Variants in QTMAN observed in about 807,000 individuals in gnomAD.
The protein encoded by QTMAN is tRNA-queuosine alpha-mannosyltransferase.
chr2:144,174,329 G>T, the QTMAN span, among the ~76,000 whole-genome samples: 8 of 152,260 alleles, frequency 5.3e-5, no homozygotes, highest in Admixed American at 4.6e-4. Flanking sequence ...CTATTTCAAG[G>T]ATTTAAGCTG....
the QTMAN span, among the ~76,000 whole-genome samples, chr2:144,022,526 T>G: frequency 6.6e-6 from 1 of 151,246 alleles, no homozygotes. Flanking sequence ...GCTTCTAGGT[T>G]GCCAATTCTC....
chr2:144,192,470 C>A, the QTMAN span, among the ~76,000 whole-genome samples: 1 of 152,022 alleles, frequency 6.6e-6, no homozygotes, highest in Non-Finnish European at 1.5e-5. Context: ...GTAGGGAGGT[C>A]CAATGAGCAG....
the QTMAN span, among the ~76,000 whole-genome samples, chr2:144,026,393 C>A: frequency 3.3e-5 from 5 of 152,102 alleles, no homozygotes; most frequent in Admixed American, 6.5e-5. Context: ...CGAGACTGCA[C>A]CACTGCACTC....
chr2:144,024,930 T>C, the QTMAN span, among the ~76,000 whole-genome samples: 1 of 152,190 alleles, frequency 6.6e-6, no homozygotes, highest in South Asian at 2.1e-4. Flanking sequence ...TAACTAACAA[T>C]CTATTTTGAA....
At chr2:144,233,143 T>G in the QTMAN span, among the ~76,000 whole-genome samples, 2 of 152,134 alleles carry the variant, frequency 1.3e-5, no homozygotes, top group African/African-American at 4.8e-5. Context: ...AAGAGATACC[T>G]TGGCATAAAA....
At chr2:144,156,987 C>A in the QTMAN span, among the ~76,000 whole-genome samples, 1 of 151,960 alleles carries the variant, frequency 6.6e-6, no homozygotes, top group Non-Finnish European at 1.5e-5. Context: ...AAAAATAGAA[C>A]CAGTGTGAAA....
the QTMAN span, chr2:144,208,645 G>A: frequency 6.2e-7 from 1 of 1,613,826 alleles, no homozygotes; most frequent in Non-Finnish European, 8.5e-7. Context: ...GAAATATAAA[G>A]CAGATGTCCG....
chr2:144,310,274 A>C, the QTMAN span, among the ~76,000 whole-genome samples: 3 of 152,214 alleles, frequency 2.0e-5, no homozygotes, highest in African/African-American at 4.8e-5. Context: ...ATATGGTGTC[A>C]AACAGGAATG....
the QTMAN span, among the ~76,000 whole-genome samples, chr2:144,204,369 G>A: frequency 6.6e-6 from 1 of 152,206 alleles, no homozygotes; most frequent in African/African-American, 2.4e-5. Flanking sequence ...AGACATTTAT[G>A]CAGCCAACAG....
the QTMAN span, among the ~76,000 whole-genome samples, chr2:144,004,061 A>G: frequency 2.0e-5 from 3 of 152,026 alleles, no homozygotes; most frequent in Non-Finnish European, 4.4e-5. Flanking sequence ...GTTTACATGG[A>G]AACAATCATC....
the QTMAN span, among the ~76,000 whole-genome samples, chr2:144,210,489 A>G: frequency 6.6e-5 from 10 of 152,162 alleles, no homozygotes; most frequent in African/African-American, 2.4e-4. Flanking sequence ...GGATATACAT[A>G]TGTGTTTGAA....
chr2:144,144,354 T>C, the QTMAN span, among the ~76,000 whole-genome samples: 2 of 151,876 alleles, frequency 1.3e-5, no homozygotes, highest in Non-Finnish European at 2.9e-5. Context: ...CCATTAACTT[T>C]AAAGCCACCC....
At chr2:144,010,516 T>C in the QTMAN span, among the ~76,000 whole-genome samples, 3 of 152,082 alleles carry the variant, frequency 2.0e-5, no homozygotes, top group Non-Finnish European at 4.4e-5. Context: ...TAGACCATGC[T>C]GAATTGGACA....
the QTMAN span, among the ~76,000 whole-genome samples, chr2:144,225,636 C>A: frequency 6.6e-6 from 1 of 152,190 alleles, no homozygotes; most frequent in Non-Finnish European, 1.5e-5. Flanking sequence ...TGTTTCTCCT[C>A]TCTGAAACCT....
the QTMAN span, among the ~76,000 whole-genome samples, chr2:144,077,678 T>C: frequency 1.3e-5 from 2 of 152,174 alleles, no homozygotes; most frequent in Admixed American, 1.3e-4. Context: ...TGCCTGTGTG[T>C]TGTGTGTGTA....
chr2:144,163,093 C>A, the QTMAN span, among the ~76,000 whole-genome samples: 1 of 151,916 alleles, frequency 6.6e-6, no homozygotes, highest in Non-Finnish European at 1.5e-5. Flanking sequence ...CAAAAAAGAT[C>A]CCTAATAATA....
chr2:144,254,985 A>C, the QTMAN span, among the ~76,000 whole-genome samples: 1 of 152,224 alleles, frequency 6.6e-6, no homozygotes, highest in Non-Finnish European at 1.5e-5. Context: ...CAATGCCTGT[A>C]ACCCCACTGT....
the QTMAN span, among the ~76,000 whole-genome samples, chr2:144,154,328 A>G: frequency 6.6e-6 from 1 of 152,160 alleles, no homozygotes; most frequent in Non-Finnish European, 1.5e-5. Context: ...TGGAATAACA[A>G]GGAGGAGGTC....
the QTMAN span, among the ~76,000 whole-genome samples, chr2:144,332,241 G>C: frequency 5.9e-5 from 9 of 151,704 alleles, no homozygotes; most frequent in Non-Finnish European, 1.3e-4. Context: ...GCGTGCGCCC[G>C]GGAAGCGCGC....
Sources: gnomAD v4.1 joint callset for allele counts (sites outside exome capture counted in the v4.1 genomes callset) on GRCh38, gnomAD v4.1.1 for gene constraint, MANE v1.5 for transcripts, NCBI Gene and HGNC (gene_info 2026-07-23, HGNC 2026-07-21) for gene names.